The following ZC3H4 variants were observed in gnomAD, a reference collection of about 807,000 sequenced individuals.
The protein encoded by ZC3H4 is zinc finger CCCH-type containing 4.
ZC3H4 carries 13 observed loss-of-function variants against 108.3 expected under a neutral mutation model. That is an observed-to-expected ratio of 0.12 (90% CI 0.08 to 0.19). The LOEUF is 0.19. ZC3H4 is among the 10% of genes least tolerant of loss of function. The pLI is 1.00. For missense variants in ZC3H4, 1,734 were observed against 1,838.8 expected, an observed-to-expected ratio of 0.94 and a Z score of 1.04; for synonymous variants, 917 against 749.6, an observed-to-expected ratio of 1.22 and a Z score of -3.65.
Position 47,112,426 on chromosome 19 carries a change from G to A in ZC3H4, c.159C>T (p.Asp53=). The A allele has an allele frequency of 8.1e-7, 1 of 1,235,302 alleles. No homozygotes were observed. The highest frequency in any genetic ancestry group is 1.0e-6 in the Non-Finnish European group (1 of 987,724). The allele number at this position is 1,235,302 out of a possible 1,614,324, so 76.5% of individuals were successfully genotyped here. Residue 53 remains aspartate, a splice_region_variant and synonymous_variant, in exon 2 of 15, where the codon GAC becomes GAT. Transcript: ENST00000253048. ...CCCGGCCCAACCGGGGGCCTGACCT[G>A]TCGTCAGGGAGCGGGAGGCGGTGGT... ...LLHHRLPLPD[D]REDGELEEGE...
chr19:47,083,561 C>T (rs757456919), intron 9 of ZC3H4, among the ~76,000 whole-genome samples: 2 of 151,888 alleles, frequency 1.3e-5, no homozygotes, highest in Non-Finnish European at 2.9e-5. Context: ...AAAAATTAGC[C>T]GGGTGTGGTG....
rs2057354221 is a variant in ZC3H4, at chr19:47,072,771, C to T, written c.1441-58G>A. The stretch of plus-strand genomic sequence containing the variant: ...ACGGGGTCAGGATGGAAACGGACCT[C>T]TCCAGGTCTGAGAGCTGAAGTTTAT... On this transcript the variant is annotated intron_variant, in intron 11 of 14. Coordinates refer to ENST00000253048, the MANE Select transcript of ZC3H4 (RefSeq NM_015168.2). This position sits in a 1 kb window ranked among gnomAD's most constrained non-coding sequence, Gnocchi z 5.6. The T allele has an allele frequency of 6.3e-7, 1 of 1,595,300 alleles. No individual in the cohort carries two copies. The highest frequency in any genetic ancestry group is 2.2e-5 in the East Asian group (1 of 44,774).
At chr19:47,106,176 A>C (rs1267036146) in intron 2 of ZC3H4, among the ~76,000 whole-genome samples, 1 of 152,232 alleles carries the variant, frequency 6.6e-6, no homozygotes, top group Non-Finnish European at 1.5e-5. Flanking sequence ...AGACAAAGAC[A>C]CTGACTTAGG....
chr19:47,099,488 G>A (rs1435116301), intron 2 of ZC3H4, among the ~76,000 whole-genome samples: 1 of 151,100 alleles, frequency 6.6e-6, no homozygotes, highest in Non-Finnish European at 1.5e-5. Flanking sequence ...AAAGAAAGCT[G>A]CAGCCAGCTC....
At position 47,064,753 on chromosome 19, in the gene ZC3H4, C is replaced by CA. The variant is rs1487147885; in HGVS notation, c.*1602dup. 1.4e-5 allele frequency: 2 copies of CA among 143,792 alleles called. No homozygotes were observed. Among genetic ancestry groups the CA allele is most frequent in the South Asian group, 2.2e-4 (1 of 4,510 alleles). The allele number at this position is 143,792 out of a possible 1,614,324, so 8.9% of individuals were successfully genotyped here. ...AAAAAAAAAAAAAAAGACAAAAAGA[C>CA]AAACCAACCAACCAGATCCCAGCAC... On this transcript the variant is annotated 3_prime_UTR_variant, in exon 15 of 15. Coordinates refer to ENST00000253048, the MANE Select transcript of ZC3H4 (RefSeq NM_015168.2).
intron 2 of ZC3H4, among the ~76,000 whole-genome samples, chr19:47,104,103 G>C (rs1326576746): frequency 6.6e-6 from 1 of 152,106 alleles, no homozygotes; most frequent in Non-Finnish European, 1.5e-5. Context: ...TGGATCACCT[G>C]AGGTCAGTAG....
chr19:47,090,759 A>T (rs2122958169), intron 4 of ZC3H4, among the ~76,000 whole-genome samples: 1 of 152,370 alleles, frequency 6.6e-6, no homozygotes, highest in African/African-American at 2.4e-5. Flanking sequence ...AATATGTAAC[A>T]ATAAAGTGTG....
intron 11 of ZC3H4, among the ~76,000 whole-genome samples, chr19:47,073,240 C>G (rs1021129665): frequency 4.0e-5 from 6 of 151,528 alleles, no homozygotes; most frequent in Non-Finnish European, 8.8e-5. Context: ...ACCACTGCAC[C>G]CCAGCATGGA....
chr19:47,084,703 A>T (rs1347245576), intron 8 of ZC3H4, among the ~76,000 whole-genome samples: 1 of 152,156 alleles, frequency 6.6e-6, no homozygotes, highest in Non-Finnish European at 1.5e-5. Context: ...CTCAAGTTCC[A>T]CACAACTGTG....
At chr19:47,070,696 C>G (rs767987806) in intron 13 of ZC3H4, among the ~76,000 whole-genome samples, 1 of 152,170 alleles carries the variant, frequency 6.6e-6, no homozygotes, top group Non-Finnish European at 1.5e-5. Context: ...CCAAAGCCCA[C>G]GTTCACATTT....
chr19:47,087,299 A>AC (rs2057647967), intron 5 of ZC3H4, among the ~76,000 whole-genome samples: 1 of 139,098 alleles, frequency 7.2e-6, no homozygotes, highest in Non-Finnish European at 1.5e-5. Context: ...CACACACACA[A>AC]AAAAAAACCC....
At chr19:47,069,438 C>T (rs1469468077) in intron 13 of ZC3H4, 95 bp from the exon 14 acceptor site, 17 of 1,467,222 alleles carry the variant, frequency 1.2e-5, no homozygotes, top group Middle Eastern at 1.9e-4. Flanking sequence ...ACACCGATGG[C>T]GATGGAGAAG....
chr19:47,076,089 T>C (rs1260785121), intron 11 of ZC3H4, among the ~76,000 whole-genome samples: 1 of 152,222 alleles, frequency 6.6e-6, no homozygotes, highest in Non-Finnish European at 1.5e-5. Context: ...TGAGCCCCAT[T>C]AGGCCATGTG....
intron 2 of ZC3H4, 56 bp downstream of exon 2, chr19:47,112,368 T>G (rs895071302): frequency 8.2e-7 from 1 of 1,226,414 alleles, no homozygotes; most frequent in Non-Finnish European, 1.0e-6. Context: ...CCCCCCTTCC[T>G]CCTCCTCCTC....
At position 47,067,684 on chromosome 19, in the gene ZC3H4, G is replaced by A; in HGVS notation, c.2584C>T (p.Pro862Ser). The change falls in exon 15 of 15, where the codon CCT (proline) becomes TCT (serine). Residue 862 changes from proline to serine, a missense_variant. Coordinates refer to ENST00000253048, the MANE Select transcript of ZC3H4 (RefSeq NM_015168.2). The surrounding 1 kb of genome is among the most constrained non-coding windows in gnomAD (Gnocchi z 6.4). ...AGTCTGGGGTCCCGGCTGAGGCGAG[G>A]GTCAGCCAGCCGGCTTCCTGTGGGG... ...GHPTGSRLAD[P>S]RLSRDPRLTR... The A allele has an allele frequency of 1.9e-6, 3 of 1,600,820 alleles. No homozygotes were observed. The highest frequency in any genetic ancestry group is 2.6e-6 in the Non-Finnish European group (3 of 1,175,692).
intron 13 of ZC3H4, 131 bp from the exon 14 acceptor site, chr19:47,069,474 C>T (rs2057287712): frequency 3.3e-6 from 4 of 1,200,574 alleles, no homozygotes; most frequent in Non-Finnish European, 4.6e-6. Flanking sequence ...CCTGCCTGCC[C>T]TCCCCAGGTC....
At chr19:47,075,569 CCA>C (rs1324365879) in intron 11 of ZC3H4, among the ~76,000 whole-genome samples, 1 of 151,936 alleles carries the variant, frequency 6.6e-6, no homozygotes, top group Non-Finnish European at 1.5e-5. Flanking sequence ...TCCTGGGCTC[CCA>C]CACTTATTCT....
In ZC3H4 at chr19:47,108,049, A is replaced by G. The variant is rs540941361; in HGVS notation, c.161+4375T>C. Among the ~76,000 whole-genome samples the G allele has an allele frequency of 1.1e-4, 17 of 152,250 alleles. No homozygotes were observed. The East Asian group carries it at 3.3e-3, about 29-fold the overall frequency. On this transcript the variant is annotated intron_variant, in intron 2 of 14. Transcript: ENST00000253048. ...TTAATTATGAAACTGGCTTCATACC[A>G]TGTTATTCGGAGAGGAGTCCCTCCA...
rs2057329447 is a variant in ZC3H4 at position 47,071,761 on chromosome 19, C to A, written c.2146+17G>T. On this transcript the variant is annotated intron_variant, in intron 13 of 14. Transcript: ENST00000253048. ...AAGCCTGCAGCCCCAGGCAGCCACA[C>A]CTGGAGTCCCGCATACCTGCATCCC... 1 of 1,583,476 alleles carries A rather than the reference C, an allele frequency of 6.3e-7. No individual in the cohort carries two copies. The highest frequency in any genetic ancestry group is 8.6e-7 in the Non-Finnish European group (1 of 1,167,016).
Sources: allele counts gnomAD v4.1 joint callset (sites outside exome capture counted in the v4.1 genomes callset), GRCh38; gene constraint gnomAD v4.1.1; non-coding constraint Gnocchi (gnomAD v3.1); transcripts MANE v1.5; gene names NCBI Gene and HGNC (gene_info 2026-07-23, HGNC 2026-07-21).